LIN9: variants seen among roughly 807,000 people sequenced by gnomAD.
LIN9 encodes the protein lin-9 DREAM MuvB core complex component.
In LIN9, 18 loss-of-function variants were observed where a neutral mutation model predicts 78.0. The observed-to-expected ratio is 0.23, with a 90% confidence interval of 0.16 to 0.34. The LOEUF is 0.34. Among genes scored for constraint, LIN9 ranks in the 10% least tolerant of loss-of-function variants. LIN9 has a pLI of 1.00. For synonymous variants in LIN9, 192 were observed against 215.2 expected (o/e 0.89, Z 0.94); for missense variants, 451 against 644.1 (o/e 0.70, Z 3.25).
Position 226,287,810 on chromosome 1 carries a change from A to G in LIN9, c.265-13T>C. ...TTGCTGTAAATTTCTATACAATAAA[A>G]AAAAGAGATTAATTTATGGCTCCAT... On this transcript the variant is annotated splice_polypyrimidine_tract_variant and intron_variant, in intron 4 of 14. Coordinates refer to ENST00000681046, the MANE Select transcript of LIN9 (RefSeq NM_001366245.2). 3 of 1,525,502 alleles carry G rather than the reference A, an allele frequency of 2.0e-6. No homozygotes were observed. Among genetic ancestry groups the G allele is most frequent in the Non-Finnish European group, 2.6e-6 (3 of 1,143,104 alleles). 94.5% of individuals were successfully genotyped at this position (1,525,502 alleles called of 1,614,324 possible).
At chr1:226,298,349 A>C (rs1271844188) in intron 2 of LIN9, among the ~76,000 whole-genome samples, 3 of 152,156 alleles carry the variant, frequency 2.0e-5, no homozygotes, top group Non-Finnish European at 4.4e-5. Context: ...GTGGGATTAC[A>C]GGTGTGTGCC....
At chr1:226,299,914 G>T (rs867045386) in intron 2 of LIN9, among the ~76,000 whole-genome samples, 3 of 150,678 alleles carry the variant, frequency 2.0e-5, no homozygotes, top group Middle Eastern at 6.9e-3. Context: ...TTATTACTTA[G>T]AAAGCAAGAT....
intron 11 of LIN9, among the ~76,000 whole-genome samples, chr1:226,245,864 G>A (rs1321430639): frequency 6.6e-6 from 1 of 152,128 alleles, no homozygotes; most frequent in Non-Finnish European, 1.5e-5. Flanking sequence ...ATTATACCCA[G>A]CCCCAATTAA....
At chr1:226,279,866 C>CA (rs1215312715) in intron 6 of LIN9, among the ~76,000 whole-genome samples, 9 of 151,876 alleles carry the variant, frequency 5.9e-5, no homozygotes, top group Middle Eastern at 3.4e-3. Flanking sequence ...TTCCAAGACT[C>CA]AAAGATTTTG....
intron 11 of LIN9, among the ~76,000 whole-genome samples, chr1:226,248,213 A>G (rs1283686483): frequency 6.6e-6 from 1 of 152,206 alleles, no homozygotes; most frequent in Non-Finnish European, 1.5e-5. Flanking sequence ...ACTGAGATGA[A>G]GAAGGGGAAC....
At chr1:226,251,503 C>T (rs1025122338) in intron 10 of LIN9, among the ~76,000 whole-genome samples, 1 of 152,124 alleles carries the variant, frequency 6.6e-6, no homozygotes. Context: ...GCTGGGATTA[C>T]AGGCATGAGC....
At chr1:226,259,392 T>C (rs549237888) in intron 10 of LIN9, among the ~76,000 whole-genome samples, 36 of 152,242 alleles carry the variant, frequency 2.4e-4, no homozygotes, top group Middle Eastern at 3.4e-3. Context: ...AATGAACAGA[T>C]TCAATGGGCA....
chr1:226,287,981 CT>C (rs368027452), intron 4 of LIN9, among the ~76,000 whole-genome samples, 184 bp from the exon 5 acceptor site: 222 of 143,986 alleles, frequency 1.5e-3, no homozygotes, highest in Non-Finnish European at 1.9e-3. Context: ...TGATTATTGC[CT>C]TTTTTTTTTT....
At chr1:226,289,065 A>G (rs1483273363) in intron 4 of LIN9, among the ~76,000 whole-genome samples, 1 of 152,076 alleles carries the variant, frequency 6.6e-6, no homozygotes, top group Admixed American at 6.6e-5. Context: ...GTGAAACCCC[A>G]TCTCTACTAA....
intron 7 of LIN9, among the ~76,000 whole-genome samples, chr1:226,270,041 G>A (rs528022689): frequency 6.6e-6 from 1 of 152,206 alleles, no homozygotes; most frequent in Admixed American, 6.5e-5. Flanking sequence ...TCCTGCCTCA[G>A]CCTCCTGAGT....
intron 12 of LIN9, among the ~76,000 whole-genome samples, chr1:226,234,741 C>A (rs1197572505): frequency 6.6e-6 from 1 of 152,072 alleles, no homozygotes; most frequent in Non-Finnish European, 1.5e-5. Flanking sequence ...GACATATACA[C>A]TCACTTATAC....
At chr1:226,239,120 C>A in intron 11 of LIN9, 24 bp from the exon 12 acceptor site, 1 of 1,608,716 alleles carries the variant, frequency 6.2e-7, no homozygotes, top group Non-Finnish European at 8.5e-7. Context: ...AAAATCAGAT[C>A]TTGGTAAGAG....
chr1:226,280,197 G>C (rs1660953801), intron 6 of LIN9, among the ~76,000 whole-genome samples: 1 of 152,108 alleles, frequency 6.6e-6, no homozygotes, highest in African/African-American at 2.4e-5. Flanking sequence ...CCATGTTATG[G>C]CTTTCACTTT....
Position 226,301,183 on chromosome 1 carries a change from G to C in LIN9, c.54C>G (p.Val18=). 1 of 1,602,006 alleles carries C rather than the reference G, an allele frequency of 6.2e-7. No individual in the cohort carries two copies. Among genetic ancestry groups the C allele is most frequent in the Non-Finnish European group, 8.5e-7 (1 of 1,177,282 alleles). Residue 18 remains valine (V), a synonymous_variant, in exon 2 of 15, where the codon GTC becomes GTG. Transcript: ENST00000681046. ...TGCTATACTTCTTACCTTTTAAACT[G>C]ACAAGGGCTTTTGCTGAAGAGCCTG... The part of the protein sequence containing the change: ...PDESSSAKAL[V]SLKEGSLSNT...
At chr1:226,297,673 A>G (rs755571402) in intron 3 of LIN9, 46 bp downstream of exon 3, 2 of 1,314,810 alleles carry the variant, frequency 1.5e-6, no homozygotes, top group Admixed American at 2.4e-5. Context: ...AATACAGACA[A>G]CTTAGCTAGA....
chr1:226,244,928 TCAGATCTTG>T (rs1377444190), intron 11 of LIN9, among the ~76,000 whole-genome samples: 12 of 152,212 alleles, frequency 7.9e-5, no homozygotes, highest in African/African-American at 2.7e-4. Context: ...TTTCTAACCT[TCAGATCTTG>T]CAAACATGCT....
chr1:226,292,939 T>G (rs780811745), intron 4 of LIN9, among the ~76,000 whole-genome samples: 1 of 152,176 alleles, frequency 6.6e-6, no homozygotes, highest in Non-Finnish European at 1.5e-5. Context: ...AATGTAACAG[T>G]AACCTATCTC....
intron 1 of LIN9, among the ~76,000 whole-genome samples, chr1:226,303,843 G>A (rs1662722545): frequency 6.6e-6 from 1 of 152,180 alleles, no homozygotes; most frequent in Non-Finnish European, 1.5e-5. Context: ...CTGACCTCAG[G>A]TGACCACCCG....
upstream of LIN9, chr1:226,309,335 G>T (rs1663147106): frequency 1.0e-6 from 1 of 994,186 alleles, no homozygotes; most frequent in African/African-American, 1.7e-5. Flanking sequence ...CCGAAGGGGG[G>T]CCGCGCCTCG....
Sources: allele counts gnomAD v4.1 joint callset (sites outside exome capture counted in the v4.1 genomes callset), GRCh38; gene constraint gnomAD v4.1.1; transcripts MANE v1.5; gene names NCBI Gene and HGNC (gene_info 2026-07-23, HGNC 2026-07-21).